The following RASGRF2 variants were observed in gnomAD, a reference collection of about 807,000 sequenced individuals.
RASGRF2 encodes Ras protein specific guanine nucleotide releasing factor 2, also known as ras-specific guanine nucleotide-releasing factor 2.
In RASGRF2, 76 loss-of-function variants were observed where a neutral mutation model predicts 151.0. The ratio of observed to expected loss-of-function variants is 0.50; its 90% confidence interval spans 0.42 to 0.61. The LOEUF is 0.61. Among genes scored for constraint, RASGRF2 ranks in the 20% least tolerant of loss-of-function variants. RASGRF2 has a pLI of 0.00. For synonymous variants in RASGRF2, 504 were observed against 566.5 expected (o/e 0.89, Z 1.57); for missense variants, 1,148 against 1,564.6 (o/e 0.73, Z 4.49).
intron 26 of RASGRF2, among the ~76,000 whole-genome samples, chr5:81,221,965 T>G (rs1315663530): frequency 2.0e-5 from 3 of 152,182 alleles, no homozygotes; most frequent in African/African-American, 7.2e-5. Context: ...CACTCCAGCC[T>G]GGGCAACAGA....
chr5:81,208,278 G>T, intron 21 of RASGRF2, 76 bp from the exon 22 acceptor site: 2 of 1,253,424 alleles, frequency 1.6e-6, no homozygotes, highest in Admixed American at 3.9e-5. Flanking sequence ...TCTAATATTC[G>T]TGACAACTGT....
chr5:81,170,522 C>T (rs1268208046), intron 17 of RASGRF2, among the ~76,000 whole-genome samples: 2 of 152,198 alleles, frequency 1.3e-5, no homozygotes, highest in African/African-American at 4.8e-5. Flanking sequence ...TGCTTCCCAT[C>T]CCTCCATCAA....
chr5:81,226,032 G>C lies in RASGRF2; in HGVS notation c.*262G>C. Reference sequence around the variant, plus strand: ...TTTTACATAAGGGAATGTCAGATGGGAGATGCTAGTTGCCATTTTAACAAA... The same window carrying C: ...TTTTACATAAGGGAATGTCAGATGGCAGATGCTAGTTGCCATTTTAACAAA... On this transcript the variant is annotated 3_prime_UTR_variant, in exon 27 of 27. Transcript: ENST00000265080. 2.9e-6 allele frequency: 1 copy of C among 341,740 alleles called. No individual in the cohort carries two copies. The highest frequency in any genetic ancestry group is 5.2e-6 in the Non-Finnish European group (1 of 191,158). 21.2% of individuals were successfully genotyped at this position (341,740 alleles called of 1,614,324 possible).
rs569298406 is a variant in RASGRF2 at position 81,138,545 on chromosome 5, G to A, written c.2686+11382G>A. Among the ~76,000 whole-genome samples, 166 of 152,198 alleles carry A rather than the reference G, an allele frequency of 1.1e-3. 1 individual carries two copies. Among genetic ancestry groups the A allele is most frequent in the Admixed American group, 2.1e-3 (32 of 15,288 alleles). On this transcript the variant is annotated intron_variant, in intron 17 of 26. Coordinates refer to ENST00000265080, the MANE Select transcript of RASGRF2 (RefSeq NM_006909.3). ...AAGAGCCATGAAGAGATCTTTCTCC[G>A]GTGTTTACTGGGAGGACTTGGTGTG...
At chr5:80,986,740 A>G (rs1748482828) in intron 1 of RASGRF2, among the ~76,000 whole-genome samples, 1 of 152,130 alleles carries the variant, frequency 6.6e-6, no homozygotes, top group Non-Finnish European at 1.5e-5. Flanking sequence ...CTTGATTTCA[A>G]ACCTTTATAT....
rs1486151104 is a variant in RASGRF2, at chr5:81,034,731, T to G, written c.289-8146T>G. On this transcript the variant is annotated intron_variant, in intron 1 of 26. Transcript: ENST00000265080. Reference sequence around the variant, plus strand: ...ACCAAACACCGCATATTCTCACTCATAGGTGGAAATTGAACAATGAGAACA... The same window carrying G: ...ACCAAACACCGCATATTCTCACTCAGAGGTGGAAATTGAACAATGAGAACA... Among the ~76,000 whole-genome samples, 24 of 144,806 alleles carry G rather than the reference T, an allele frequency of 1.7e-4. 1 individual carries two copies. The East Asian group carries it at 4.8e-3, about 29-fold the overall frequency. The allele number at this position is 144,806 out of a possible 152,430, so 95.0% of individuals were successfully genotyped here. A position where few individuals can be genotyped will look rare whatever the true frequency, so the allele number is the denominator to read the frequency against.
intron 1 of RASGRF2, among the ~76,000 whole-genome samples, chr5:81,012,239 A>G (rs1749486422): frequency 6.6e-6 from 1 of 151,892 alleles, no homozygotes; most frequent in African/African-American, 2.4e-5. Flanking sequence ...GACCTTATTT[A>G]CTTGGGTATG....
intron 19 of RASGRF2, among the ~76,000 whole-genome samples, chr5:81,205,545 ATAT>A (rs573955535): frequency 4.8e-4 from 73 of 152,314 alleles, no homozygotes; most frequent in African/African-American, 1.7e-3. Flanking sequence ...ATCTCTGTTG[ATAT>A]TATGTTTTTG....
chr5:81,197,167 A>G (rs911302317), intron 18 of RASGRF2, among the ~76,000 whole-genome samples: 4 of 152,206 alleles, frequency 2.6e-5, no homozygotes, highest in Non-Finnish European at 4.4e-5. Flanking sequence ...AGTGAAAAGT[A>G]AAATATTGGC....
chr5:81,013,380 A>G (rs1481948798), intron 1 of RASGRF2, among the ~76,000 whole-genome samples: 2 of 152,136 alleles, frequency 1.3e-5, no homozygotes, highest in African/African-American at 4.8e-5. Flanking sequence ...TTACTCGGAC[A>G]TATCTCAGTT....
chr5:81,175,828 C>T (rs918640366), intron 17 of RASGRF2, among the ~76,000 whole-genome samples: 4 of 151,350 alleles, frequency 2.6e-5, no homozygotes, highest in African/African-American at 9.7e-5. Context: ...AACATTGATG[C>T]TGTTGGACAG....
intron 1 of RASGRF2, among the ~76,000 whole-genome samples, chr5:81,021,383 A>G (rs1749819785): frequency 6.6e-6 from 1 of 152,144 alleles, no homozygotes; most frequent in East Asian, 1.9e-4. Context: ...CCCCCACTGA[A>G]TAAGTAGAGA....
At chr5:81,075,042 C>T (rs1212172106) in intron 5 of RASGRF2, among the ~76,000 whole-genome samples, 1 of 152,198 alleles carries the variant, frequency 6.6e-6, no homozygotes, top group African/African-American at 2.4e-5. Context: ...AATGCTCTCT[C>T]TGGCTTCTCT....
intron 22 of RASGRF2, among the ~76,000 whole-genome samples, chr5:81,209,496 C>G (rs1755585086): frequency 6.6e-6 from 1 of 152,196 alleles, no homozygotes; most frequent in Non-Finnish European, 1.5e-5. Flanking sequence ...GATCTAGAAT[C>G]AAAATGCAAA....
intron 2 of RASGRF2, among the ~76,000 whole-genome samples, chr5:81,053,388 C>T (rs1040460896): frequency 2.7e-5 from 4 of 148,714 alleles, no homozygotes; most frequent in Admixed American, 1.4e-4. Context: ...TGGTTTTTTG[C>T]TCTTGCGATA....
At chr5:81,042,256 TCTTGACC>T (rs1188686546) in intron 1 of RASGRF2, among the ~76,000 whole-genome samples, 2 of 152,186 alleles carry the variant, frequency 1.3e-5, no homozygotes, top group African/African-American at 4.8e-5. Context: ...CCTGATCACA[TCTTGACC>T]CCTAGGATGG....
At chr5:80,993,673 T>C (rs1748727011) in intron 1 of RASGRF2, among the ~76,000 whole-genome samples, 1 of 152,178 alleles carries the variant, frequency 6.6e-6, no homozygotes, top group Non-Finnish European at 1.5e-5. Flanking sequence ...GGAACCATTC[T>C]CACCTGTAGG....
chr5:81,091,882 G>A (rs1752399613), intron 9 of RASGRF2, among the ~76,000 whole-genome samples: 1 of 152,162 alleles, frequency 6.6e-6, no homozygotes, highest in Admixed American at 6.5e-5. Context: ...ATATGAGCCT[G>A]CAGAAGGCTG....
At chr5:81,151,656 C>T (rs1377894743) in intron 17 of RASGRF2, among the ~76,000 whole-genome samples, 1 of 152,140 alleles carries the variant, frequency 6.6e-6, no homozygotes, top group Non-Finnish European at 1.5e-5. Flanking sequence ...GTGGTCACTT[C>T]TGCTATTTTC....
Sources: gnomAD v4.1 joint callset for allele counts (sites outside exome capture counted in the v4.1 genomes callset) on GRCh38, gnomAD v4.1.1 for gene constraint, MANE v1.5 for transcripts, NCBI Gene and HGNC (gene_info 2026-07-23, HGNC 2026-07-21) for gene names.